Variants in GPM6A observed in about 807,000 individuals in gnomAD.
The protein encoded by GPM6A is glycoprotein M6A, also known as neuronal membrane glycoprotein M6-a.
GPM6A carries 7 observed loss-of-function variants against 32.1 expected under a neutral mutation model. The ratio of observed to expected loss-of-function variants is 0.22; its 90% CI spans 0.12 to 0.41. The LOEUF is 0.41. Ranked by LOEUF, GPM6A falls within the 10% of genes least tolerant of loss-of-function variation. GPM6A has a pLI of 1.00. For missense variants in GPM6A, 235 were observed against 347.2 expected (o/e 0.68, Z 2.57); for synonymous variants, 130 against 123.4 (o/e 1.05, Z -0.35).
At chr4:175,696,275 A>G (rs570313946) in intron 2 of GPM6A, among the ~76,000 whole-genome samples, 19 of 151,596 alleles carry the variant, frequency 1.3e-4, no homozygotes, top group Non-Finnish European at 2.7e-4. Context: ...TTACTAAGGC[A>G]AAGAGGTTAA....
intron 3 of GPM6A, among the ~76,000 whole-genome samples, chr4:175,652,619 G>A (rs909691952): frequency 6.6e-6 from 1 of 151,712 alleles, no homozygotes; most frequent in African/African-American, 2.4e-5. Flanking sequence ...AAATACCCAA[G>A]CTTTAAAAAT....
intron 1 of GPM6A, among the ~76,000 whole-genome samples, chr4:175,717,077 CT>C (rs1437952828): frequency 1.3e-5 from 2 of 152,114 alleles, no homozygotes; most frequent in South Asian, 2.1e-4. Context: ...CCACACACTC[CT>C]TCTACTCTAG....
intron 3 of GPM6A, among the ~76,000 whole-genome samples, chr4:175,660,513 C>T (rs1433022262): frequency 6.6e-6 from 1 of 151,952 alleles, no homozygotes; most frequent in East Asian, 1.9e-4. Flanking sequence ...TAGACATACT[C>T]TTGGCTTGTA....
intron 1 of GPM6A, among the ~76,000 whole-genome samples, chr4:175,829,091 TG>T (rs1410567969): frequency 6.6e-6 from 1 of 152,130 alleles, no homozygotes; most frequent in Admixed American, 6.6e-5. Context: ...GCAGCATGTC[TG>T]GCTAATTTTT....
chr4:175,750,194 G>C (rs1329080225), intron 1 of GPM6A, among the ~76,000 whole-genome samples: 1 of 152,080 alleles, frequency 6.6e-6, no homozygotes, highest in African/African-American at 2.4e-5. Context: ...CAGTAGCTGG[G>C]ATTACAGGCG....
At chr4:175,714,986 C>A (rs1342802087) in intron 1 of GPM6A, among the ~76,000 whole-genome samples, 2 of 142,654 alleles carry the variant, frequency 1.4e-5, no homozygotes, top group African/African-American at 2.7e-5. Context: ...GAAAAACAAT[C>A]CCTGGAAGAA....
intron 1 of GPM6A, among the ~76,000 whole-genome samples, chr4:175,904,945 G>A (rs1039108731): frequency 8.6e-5 from 13 of 152,022 alleles, no homozygotes; most frequent in African/African-American, 2.7e-4. Flanking sequence ...CTCTACCCTC[G>A]TAAGTTCAGT....
rs774784502 is a variant in GPM6A, at chr4:175,665,921, C to CTT, written c.387+7757_387+7758dup. Among the ~76,000 whole-genome samples, 102 of 139,822 alleles carry CTT rather than the reference C, an allele frequency of 7.3e-4. 2 individuals carry two copies. Among genetic ancestry groups the CTT allele is most frequent in the African/African-American group, 2.3e-3 (88 of 38,294 alleles). The allele number at this position is 139,822 out of a possible 152,430, so 91.7% of individuals were successfully genotyped here. ...ATACTGTAAATGTCTGAAAAATGTA[C>CTT]TTTTTTTTTTTTTTTGAGACAGAGT... On this transcript the variant is annotated intron_variant, in intron 3 of 6. Coordinates refer to ENST00000393658, the MANE Select transcript of GPM6A (RefSeq NM_201591.3).
chr4:175,650,156 C>T (rs1437982233), intron 4 of GPM6A, among the ~76,000 whole-genome samples: 1 of 152,092 alleles, frequency 6.6e-6, no homozygotes, highest in Non-Finnish European at 1.5e-5. Flanking sequence ...TATTATTCTG[C>T]TTTTCCCCCC....
intron 1 of GPM6A, among the ~76,000 whole-genome samples, chr4:175,777,556 C>T (rs1391557923): frequency 6.6e-6 from 1 of 151,882 alleles, no homozygotes; most frequent in Admixed American, 6.6e-5. Context: ...ATATTCTCTA[C>T]AAGAGTCCAC....
At chr4:175,976,080 C>G (rs1740648524) in intron 1 of GPM6A, among the ~76,000 whole-genome samples, 1 of 151,920 alleles carries the variant, frequency 6.6e-6, no homozygotes, top group Non-Finnish European at 1.5e-5. Flanking sequence ...AAGTCACCTA[C>G]CATGCTTCAC....
chr4:175,790,047 G>A (rs530613428), intron 1 of GPM6A, among the ~76,000 whole-genome samples: 37 of 152,186 alleles, frequency 2.4e-4, no homozygotes, highest in Non-Finnish European at 4.1e-4. Context: ...ACCGTATTTC[G>A]TAATCATCTA....
At chr4:175,653,152 C>T (rs113833170) in intron 3 of GPM6A, among the ~76,000 whole-genome samples, 1 of 151,874 alleles carries the variant, frequency 6.6e-6, no homozygotes, top group Non-Finnish European at 1.5e-5. Flanking sequence ...AGCACTTTTG[C>T]AAAATAGTAA....
At chr4:175,939,640 G>A (rs1739343709) in intron 1 of GPM6A, among the ~76,000 whole-genome samples, 1 of 152,150 alleles carries the variant, frequency 6.6e-6, no homozygotes, top group South Asian at 2.1e-4. Flanking sequence ...TCCATTAACT[G>A]TAATATAAGC....
At chr4:175,930,058 T>C (rs1343076889) in intron 1 of GPM6A, among the ~76,000 whole-genome samples, 2 of 152,194 alleles carry the variant, frequency 1.3e-5, no homozygotes, top group Non-Finnish European at 2.9e-5. Context: ...CTTTCTTTTC[T>C]CTGGTTCTTT....
chr4:175,940,988 T>C (rs1739387813), intron 1 of GPM6A, among the ~76,000 whole-genome samples: 1 of 152,260 alleles, frequency 6.6e-6, no homozygotes, highest in Non-Finnish European at 1.5e-5. Flanking sequence ...CTCTGGCTGG[T>C]CTTCCATTTC....
chr4:175,901,135 G>T (rs1317195046), intron 1 of GPM6A, among the ~76,000 whole-genome samples: 3 of 151,554 alleles, frequency 2.0e-5, no homozygotes, highest in Admixed American at 6.6e-5. Context: ...GAAGGATAGT[G>T]GGGGGCTGAG....
Position 175,786,268 on chromosome 4 carries a change from T to C in GPM6A, c.37+25923A>G, listed in dbSNP as rs1012653552. Among the ~76,000 whole-genome samples the C allele has an allele frequency of 6.6e-5, 10 of 151,412 alleles. No homozygotes were observed. In the Admixed American group the frequency reaches 6.6e-4, roughly 10 times the overall value. On this transcript the variant is annotated intron_variant, in intron 1 of 6. Coordinates refer to ENST00000393658, the MANE Select transcript of GPM6A (RefSeq NM_201591.3). The stretch of plus-strand genomic sequence containing the variant: ...ACACTTACAAATAACACCATCTTTT[T>C]TGAAGGTCAGGAAAGGTTTTTTGTT...
At chr4:175,716,247 A>T (rs750455171) in intron 1 of GPM6A, among the ~76,000 whole-genome samples, 1 of 152,198 alleles carries the variant, frequency 6.6e-6, no homozygotes, top group Non-Finnish European at 1.5e-5. Flanking sequence ...CACCATGTCC[A>T]GCTTGCAGAG....
Sources: gnomAD v4.1 joint callset for allele counts (sites outside exome capture counted in the v4.1 genomes callset) on GRCh38, gnomAD v4.1.1 for gene constraint, MANE v1.5 for transcripts, NCBI Gene and HGNC (gene_info 2026-07-23, HGNC 2026-07-21) for gene names.